Variants in EFHC2 observed in about 807,000 individuals in gnomAD.
The protein encoded by EFHC2 is EF-hand domain containing 2, also known as EF-hand domain-containing family member C2.
Under a neutral mutation model 52.7 loss-of-function variants are expected in EFHC2, and 18 were observed. That is an observed-to-expected ratio of 0.34 (90% CI 0.24 to 0.51). The LOEUF is 0.51. Among genes scored for constraint, EFHC2 ranks in the 20% least tolerant of loss-of-function variants. The probability of loss-of-function intolerance (pLI) is 0.97; values close to 1 mark genes in which losing one functional copy is unlikely to be tolerated. For synonymous variants in EFHC2, 203 were observed against 204.1 expected, an observed-to-expected ratio of 0.99 and a Z score of 0.04; for missense variants, 513 against 562.5, an observed-to-expected ratio of 0.91 and a Z score of 0.89.
intron 9 of EFHC2, among the ~76,000 whole-genome samples, chrX:44,234,349 G>C (rs1602167515): frequency 8.9e-6 from 1 of 112,065 alleles, no homozygotes; most frequent in South Asian, 3.7e-4. Flanking sequence ...ACCTGTAAGA[G>C]CATGACTTAT....
intron 4 of EFHC2, among the ~76,000 whole-genome samples, chrX:44,251,927 G>A (rs754729152): frequency 3.3e-4 from 37 of 111,145 alleles, no homozygotes; most frequent in Non-Finnish European, 4.9e-4. Flanking sequence ...GTTTGACTCC[G>A]TATTAATTAT....
chrX:44,299,870 C>T (rs1471562307), intron 2 of EFHC2, among the ~76,000 whole-genome samples: 4 of 111,280 alleles, frequency 3.6e-5, no homozygotes, highest in East Asian at 2.8e-4. Context: ...ATGTTATCAT[C>T]GGGGAAAGCT....
intron 11 of EFHC2, among the ~76,000 whole-genome samples, chrX:44,195,619 G>A (rs2036959348): frequency 8.9e-6 from 1 of 111,813 alleles, no homozygotes; most frequent in Admixed American, 9.5e-5. Context: ...ACCTCAGAAA[G>A]TTGGACACCT....
At chrX:44,158,167 T>C (rs2036623110) in intron 14 of EFHC2, among the ~76,000 whole-genome samples, 1 of 111,522 alleles carries the variant, frequency 9.0e-6, no homozygotes. Context: ...ACCCATAACA[T>C]CCATCCTATC....
At chrX:44,290,669 CAA>C (rs1461267414) in intron 2 of EFHC2, among the ~76,000 whole-genome samples, 1 of 111,213 alleles carries the variant, frequency 9.0e-6, no homozygotes, top group African/African-American at 3.3e-5. Context: ...GTAGAGTGGT[CAA>C]GAGAAGTAGG....
chrX:44,152,755 C>A (rs924192886), intron 14 of EFHC2, among the ~76,000 whole-genome samples: 9 of 106,490 alleles, frequency 8.5e-5, no homozygotes, highest in Non-Finnish European at 1.5e-4. Flanking sequence ...CACACACACA[C>A]AAAACAATAT....
rs2036677263 is a variant in EFHC2, at chrX:44,163,987, A to G, written c.2083T>C (p.Phe695Leu). Reference sequence around the variant, plus strand: ...TTCTTTCTCCAGTTCAGGGCAGAGAAAAATGACTTATAATCTATTTGTTTT... The same window carrying G: ...TTCTTTCTCCAGTTCAGGGCAGAGAGAAATGACTTATAATCTATTTGTTTT... ...SEKQIDYKSF[F>L]SALNWRKNPV... The change falls in exon 14 of 15, where the codon TTC becomes CTC. Residue 695 changes from phenylalanine (F) to leucine (L), a missense_variant. Coordinates refer to ENST00000420999, the MANE Select transcript of EFHC2 (RefSeq NM_025184.4). 8.6e-7 allele frequency: 1 copy of G among 1,163,067 alleles called. No homozygotes were observed. Among genetic ancestry groups the G allele is most frequent in the African/African-American group, 1.8e-5 (1 of 56,556 alleles).
chrX:44,309,256 T>A, intron 2 of EFHC2: 1 of 506,543 alleles, frequency 2.0e-6, no homozygotes. Flanking sequence ...ATACTTCAGC[T>A]GATTTTTTTT....
intron 1 of EFHC2, among the ~76,000 whole-genome samples, chrX:44,321,581 G>C (rs895033859): frequency 9.0e-6 from 1 of 111,597 alleles, no homozygotes; most frequent in South Asian, 3.7e-4. Flanking sequence ...GACTAAAAAG[G>C]GGCAGCTGGT....
chrX:44,177,513 T>C (rs2036796045), intron 12 of EFHC2, among the ~76,000 whole-genome samples: 1 of 110,220 alleles, frequency 9.1e-6, no homozygotes, highest in African/African-American at 3.3e-5. Context: ...TCAGTAAATT[T>C]ATATTTCTCC....
At chrX:44,304,280 C>T (rs893692392) in intron 2 of EFHC2, among the ~76,000 whole-genome samples, 1 of 111,837 alleles carries the variant, frequency 8.9e-6, no homozygotes. Flanking sequence ...AAGTTTTAGA[C>T]GTAAATTGCC....
At chrX:44,230,942 T>C (rs1450869341) in intron 10 of EFHC2, among the ~76,000 whole-genome samples, 7 of 111,326 alleles carry the variant, frequency 6.3e-5, no homozygotes, top group Non-Finnish European at 1.1e-4. Context: ...ATGAAGAAAC[T>C]GAAGTTCAGG....
intron 2 of EFHC2, among the ~76,000 whole-genome samples, chrX:44,288,430 A>G (rs748952116): frequency 7.2e-5 from 8 of 110,432 alleles, no homozygotes; most frequent in Non-Finnish European, 1.3e-4. Context: ...AAAAAAAAAC[A>G]CACAAAGAGG....
At chrX:44,310,375 C>T in intron 2 of EFHC2, 9 of 940,692 alleles carry the variant, frequency 9.6e-6, no homozygotes, top group East Asian at 6.6e-5. Flanking sequence ...TCAGGGCCGG[C>T]GGCCTGTTCA....
intron 2 of EFHC2, among the ~76,000 whole-genome samples, chrX:44,308,458 T>C (rs2037922385): frequency 8.9e-6 from 1 of 112,040 alleles, no homozygotes; most frequent in Admixed American, 9.5e-5. Context: ...TAGTTTTTTC[T>C]TATCAACTAG....
At chrX:44,282,739 T>A (rs1160067389) in intron 2 of EFHC2, among the ~76,000 whole-genome samples, 2 of 97,258 alleles carry the variant, frequency 2.1e-5, no homozygotes, top group East Asian at 7.2e-4. Context: ...GTCATAACTA[T>A]GTTTTTTAAA....
At chrX:44,318,570 C>A (rs2147386987) in intron 1 of EFHC2, among the ~76,000 whole-genome samples, 1 of 112,174 alleles carries the variant, frequency 8.9e-6, no homozygotes, top group East Asian at 2.8e-4. Context: ...AAACCCCAGC[C>A]AGCATGAGAT....
chrX:44,204,724 T>C (rs896096409), intron 11 of EFHC2, among the ~76,000 whole-genome samples: 22 of 111,696 alleles, frequency 2.0e-4, no homozygotes, highest in Admixed American at 4.7e-4. Flanking sequence ...TTGAGAAATA[T>C]GGGATTATGT....
chrX:44,237,351 A>G (rs2037327495), intron 8 of EFHC2, among the ~76,000 whole-genome samples: 1 of 111,725 alleles, frequency 9.0e-6, no homozygotes, highest in South Asian at 3.7e-4. Flanking sequence ...TTTTATCACA[A>G]TGCTCCAGCT....
Sources: gnomAD v4.1 joint callset for allele counts (sites outside exome capture counted in the v4.1 genomes callset) on GRCh38, gnomAD v4.1.1 for gene constraint, MANE v1.5 for transcripts, NCBI Gene and HGNC (gene_info 2026-07-23, HGNC 2026-07-21) for gene names.